ABAT: variants seen among roughly 807,000 people sequenced by gnomAD.
ABAT encodes the protein 4-aminobutyrate aminotransferase, mitochondrial.
A neutral mutation model predicts 64.6 loss-of-function variants in ABAT; 45 were observed. The observed-to-expected ratio is 0.70, with a 90% CI of 0.55 to 0.89. The LOEUF is 0.89. Ranked by LOEUF, ABAT falls within the 40% of genes least tolerant of loss-of-function variation. ABAT has a pLI of 0.00. For missense variants in ABAT, 633 were observed against 658.4 expected (o/e 0.96, Z 0.42); for synonymous variants, 297 against 250.5 (o/e 1.19, Z -1.75).
At chr16:8,719,108 G>A (rs576619855) in intron 1 of ABAT, among the ~76,000 whole-genome samples, 3 of 152,238 alleles carry the variant, frequency 2.0e-5, no homozygotes, top group South Asian at 2.1e-4. Context: ...GCCTCCCCAC[G>A]GGAACACGAG....
At chr16:8,691,108 C>A (rs2057569618) in intron 1 of ABAT, among the ~76,000 whole-genome samples, 1 of 152,100 alleles carries the variant, frequency 6.6e-6, no homozygotes, top group East Asian at 1.9e-4. Context: ...CTTCGTCAAA[C>A]CACACTTGCC....
In ABAT at chr16:8,776,305, A is replaced by C; in HGVS notation, c.1123-39A>C. The C allele has an allele frequency of 1.9e-6, 3 of 1,613,798 alleles. No homozygotes were observed. Among genetic ancestry groups the C allele is most frequent in the Non-Finnish European group, 2.5e-6 (3 of 1,179,948 alleles). ...GGTAAGTGACTCCTGCAGGGTGTGC[A>C]TGTGTGTGAAGCCTTCCAACACCCG... On this transcript the variant is annotated intron_variant, in intron 13 of 15. Transcript: ENST00000268251. This position sits in a 1 kb window ranked among gnomAD's most constrained non-coding sequence, Gnocchi z 4.4.
At chr16:8,704,665 C>T (rs1253862527) in intron 1 of ABAT, among the ~76,000 whole-genome samples, 3 of 152,122 alleles carry the variant, frequency 2.0e-5, no homozygotes, top group Non-Finnish European at 4.4e-5. Flanking sequence ...AGCCAGACTG[C>T]ATATACAATT....
intron 1 of ABAT, among the ~76,000 whole-genome samples, chr16:8,679,176 T>G (rs572393366): frequency 6.7e-4 from 102 of 152,256 alleles, no homozygotes; most frequent in African/African-American, 2.3e-3. Context: ...AAAGGGACAC[T>G]GTAAATAATT....
Position 8,764,944 on chromosome 16 carries a change from C to A in ABAT, c.540+114C>A. On this transcript the variant is annotated intron_variant, in intron 8 of 15. Transcript: ENST00000268251. The surrounding 1 kb of genome is among the most constrained non-coding windows in gnomAD (Gnocchi z 4.2). ...TGGGCTGGAGTATTAGACATCAGTA[C>A]CAGGGTTAAAATACAGGGAGGGCCA... 9.9e-7 allele frequency: 1 copy of A among 1,005,862 alleles called. No individual in the cohort carries two copies. The highest frequency in any genetic ancestry group is 1.5e-6 in the Non-Finnish European group (1 of 649,578). The allele number at this position is 1,005,862 out of a possible 1,614,324, so 62.3% of individuals were successfully genotyped here. A position where few individuals can be genotyped will look rare whatever the true frequency, so the allele number is the denominator to read the frequency against.
intron 2 of ABAT, chr16:8,738,400 T>G (rs1244381244): frequency 2.2e-6 from 1 of 455,912 alleles, no homozygotes; most frequent in Non-Finnish European, 4.4e-6. Context: ...GACTTTTATT[T>G]GGCTTTCACT....
intron 1 of ABAT, among the ~76,000 whole-genome samples, chr16:8,708,226 G>C (rs1246135334): frequency 6.6e-6 from 1 of 152,168 alleles, no homozygotes; most frequent in Non-Finnish European, 1.5e-5. Context: ...TCTCACGCTG[G>C]TAAGAAGTTC....
chr16:8,739,747 A>G (rs142315822), intron 2 of ABAT, among the ~76,000 whole-genome samples: 1 of 114,242 alleles, frequency 8.8e-6, no homozygotes, highest in Non-Finnish European at 2.0e-5. Context: ...TACAGGCACA[A>G]TGCAAAAAAC....
intron 5 of ABAT, among the ~76,000 whole-genome samples, chr16:8,750,786 C>T (rs924320643): frequency 5.3e-5 from 8 of 152,116 alleles, no homozygotes; most frequent in Non-Finnish European, 1.2e-4. Flanking sequence ...CCCCATTTTG[C>T]AGATAGGTAA....
At chr16:8,690,026 C>T (rs1183399069) in intron 1 of ABAT, among the ~76,000 whole-genome samples, 2 of 152,194 alleles carry the variant, frequency 1.3e-5, no homozygotes, top group African/African-American at 4.8e-5. Context: ...CTTTTCAGCA[C>T]AACTAGGGTT....
intron 6 of ABAT, among the ~76,000 whole-genome samples, chr16:8,761,320 C>T (rs10775278): frequency 0.74 from 112,042 of 151,316 alleles, 41,713 homozygotes; most frequent in East Asian, 0.82. Flanking sequence ...TTCTCACCCC[C>T]TCCAAACCGT....
intron 1 of ABAT, among the ~76,000 whole-genome samples, chr16:8,716,078 C>T (rs990565486): frequency 5.9e-5 from 9 of 152,116 alleles, no homozygotes; most frequent in African/African-American, 2.2e-4. Context: ...CTTAGCTTTG[C>T]GCGTGGATTA....
intron 8 of ABAT, chr16:8,765,951 G>A (rs896523131): frequency 1.4e-5 from 6 of 430,078 alleles, no homozygotes; most frequent in Non-Finnish European, 2.2e-5. Flanking sequence ...AACATGCAAC[G>A]CTCTCAGCAG....
chr16:8,708,628 C>G (rs1404462278), intron 1 of ABAT, among the ~76,000 whole-genome samples: 1 of 152,158 alleles, frequency 6.6e-6, no homozygotes, highest in Non-Finnish European at 1.5e-5. Flanking sequence ...TTAAGTGCCA[C>G]AAGTTAAATT....
At chr16:8,731,535 C>G (rs140028228) in intron 1 of ABAT, 3 of 152,292 alleles carry the variant, frequency 2.0e-5, no homozygotes, top group African/African-American at 7.2e-5. Context: ...GGCCACACAC[C>G]TGAGTTTTGT....
intron 1 of ABAT, among the ~76,000 whole-genome samples, chr16:8,692,868 T>C (rs915132393): frequency 6.6e-6 from 1 of 152,174 alleles, no homozygotes; most frequent in African/African-American, 2.4e-5. Context: ...CCTTTTTCTT[T>C]TTTGAGATGG....
At chr16:8,679,300 G>A (rs1056637142) in intron 1 of ABAT, among the ~76,000 whole-genome samples, 2 of 152,078 alleles carry the variant, frequency 1.3e-5, no homozygotes, top group Non-Finnish European at 2.9e-5. Flanking sequence ...TGATAGTTAC[G>A]GGGCCAAGAG....
At chr16:8,694,503 G>A (rs966675370) in intron 1 of ABAT, among the ~76,000 whole-genome samples, 5 of 152,116 alleles carry the variant, frequency 3.3e-5, no homozygotes, top group African/African-American at 4.8e-5. Flanking sequence ...CAATTCTCCC[G>A]AGCAGCTGGG....
rs571870693 is a variant in ABAT at position 8,686,828 on chromosome 16, T to C, written c.-42+12117T>C. On this transcript the variant is annotated intron_variant, in intron 1 of 15. Transcript: ENST00000268251. ...AATGATCACAGCAGAGTTTGGGAAA[T>C]GAACTACCCCTGCAAATGAGAAAGA... is the stretch of plus-strand genomic sequence containing the variant. 6.6e-5 allele frequency among the ~76,000 whole-genome samples: 10 copies of C among 152,254 alleles called. No homozygotes were observed. The South Asian group carries it at 1.9e-3, about 28-fold the overall frequency.
Sources: gnomAD v4.1 joint callset for allele counts (sites outside exome capture counted in the v4.1 genomes callset) on GRCh38, gnomAD v4.1.1 for gene constraint, Gnocchi (gnomAD v3.1) non-coding constraint, MANE v1.5 for transcripts, NCBI Gene and HGNC (gene_info 2026-07-23, HGNC 2026-07-21) for gene names.